The following PIEZO1 variants were observed in gnomAD, a reference collection of about 807,000 sequenced individuals.
The protein encoded by PIEZO1 is piezo type mechanosensitive ion channel component 1 (Er blood group).
In PIEZO1, 296 loss-of-function variants were observed where a neutral mutation model predicts 297.2. The ratio of observed to expected loss-of-function variants is 1.00; its 90% CI spans 0.91 to 1.10. The LOEUF (loss-of-function observed/expected upper bound fraction) is 1.10, where lower values mean the gene tolerates loss of function less well. Among genes scored for constraint, PIEZO1 ranks in the 50% least tolerant of loss-of-function variants. The pLI, the probability that PIEZO1 is intolerant of heterozygous loss-of-function variation, is 0.00. For missense variants in PIEZO1, 5,018 were observed against 3,455.5 expected (o/e 1.45, Z -11.34); for synonymous variants, 2,427 against 1,507.5 (o/e 1.61, Z -14.13).
Position 88,721,790 on chromosome 16 carries a change from C to T in PIEZO1, c.5214+18G>A, listed in dbSNP as rs1170260976. ...GCGCGGTGGGCCGGGCGCCCCCTCCCCCGCGGCCTCGGCCCACCTCGGTGA... is the reference window on the plus strand; with the variant it reads ...GCGCGGTGGGCCGGGCGCCCCCTCCTCCGCGGCCTCGGCCCACCTCGGTGA... On this transcript the variant is annotated intron_variant, in intron 37 of 50. Transcript: ENST00000301015. 1 of 1,536,220 alleles carries T rather than the reference C, an allele frequency of 6.5e-7. No homozygotes were observed.
Position 88,732,674 on chromosome 16 carries a change from C to T in PIEZO1, c.2723G>A (p.Arg908Gln), listed in dbSNP as rs749823827. ...PTEISQSLLY[R>Q]GPVDPANWFG... Reference sequence around the variant, plus strand: ...CCAGTTGGCAGGGTCCACGGGCCCCCGGTACAGCAGGGACTGGCTGATCTC... The same window carrying T: ...CCAGTTGGCAGGGTCCACGGGCCCCTGGTACAGCAGGGACTGGCTGATCTC... Residue 908 changes from arginine to glutamine, a missense_variant, in exon 20 of 51, where the codon CGG becomes CAG. Transcript: ENST00000301015. 28 of 1,549,454 alleles carry T rather than the reference C, an allele frequency of 1.8e-5. No homozygotes were observed. The highest frequency in any genetic ancestry group is 3.6e-5 in the South Asian group (3 of 84,038).
intron 22 of PIEZO1, 31 bp downstream of exon 22, chr16:88,731,675 C>G: frequency 6.5e-7 from 1 of 1,530,210 alleles, no homozygotes; most frequent in Non-Finnish European, 8.8e-7. Flanking sequence ...AGCCACAAAG[C>G]CCACTCCCAC....
intron 1 of PIEZO1, among the ~76,000 whole-genome samples, chr16:88,751,206 G>A (rs1176833773): frequency 1.3e-5 from 2 of 152,122 alleles, no homozygotes; most frequent in Admixed American, 6.5e-5. Flanking sequence ...GAAAACGCAG[G>A]GCAAGTTAGA....
chr16:88,782,973 C>T (rs1043390854), intron 1 of PIEZO1, among the ~76,000 whole-genome samples: 3 of 152,220 alleles, frequency 2.0e-5, no homozygotes, highest in Non-Finnish European at 4.4e-5. Context: ...GGGTATGGCC[C>T]GGGCTTCAGC....
intron 3 of PIEZO1, 38 bp downstream of exon 3, chr16:88,742,262 A>AG: frequency 6.6e-7 from 1 of 1,520,370 alleles, no homozygotes; most frequent in Middle Eastern, 1.7e-4. Context: ...CCTGACCCCC[A>AG]GGATGGCTAT....
chr16:88,749,335 G>A, intron 2 of PIEZO1, 49 bp downstream of exon 2: 5 of 1,273,450 alleles, frequency 3.9e-6, no homozygotes, highest in Non-Finnish European at 4.2e-6. Flanking sequence ...CCAAACGAAT[G>A]CCCACCCCCT....
chr16:88,724,945 C>T (rs1469275997), intron 30 of PIEZO1, 64 bp downstream of exon 30: 1 of 1,038,350 alleles, frequency 9.6e-7, no homozygotes, highest in Non-Finnish European at 1.3e-6. Flanking sequence ...GCAGGCCAGG[C>T]AGAGGACAGA....
rs186955676 is a variant in PIEZO1, at chr16:88,726,194, G to A, written c.3968+90C>T. The A allele has an allele frequency of 2.1e-5, 24 of 1,135,152 alleles. 1 individual carries two copies. Among genetic ancestry groups the A allele is most frequent in the Middle Eastern group, 5.9e-4 (2 of 3,362 alleles). The allele number at this position is 1,135,152 out of a possible 1,614,324, so 70.3% of individuals were successfully genotyped here. A position where few individuals can be genotyped will look rare whatever the true frequency, so the allele number is the denominator to read the frequency against. The stretch of plus-strand genomic sequence containing the variant: ...CAGAGTGGCAGAGCCTGCCCTCCAC[G>A]GGCCGGGGCCTGAGACAGTGAGGAA... On this transcript the variant is annotated intron_variant, in intron 27 of 50. Transcript: ENST00000301015.
At chr16:88,764,605 G>C (rs1456516552) in intron 1 of PIEZO1, among the ~76,000 whole-genome samples, 1 of 151,892 alleles carries the variant, frequency 6.6e-6, no homozygotes, top group Non-Finnish European at 1.5e-5. Context: ...ACAAAAATTA[G>C]CCGGGCATGG....
intron 1 of PIEZO1, among the ~76,000 whole-genome samples, chr16:88,754,183 T>C (rs10852632): frequency 0.83 from 126,281 of 152,224 alleles, 52,708 homozygotes; most frequent in African/African-American, 0.92. Context: ...TCCACAGACC[T>C]TCATCCTACA....
At chr16:88,724,898 T>G (rs1165244732) in intron 30 of PIEZO1, 111 bp downstream of exon 30, 2 of 701,174 alleles carry the variant, frequency 2.9e-6, no homozygotes, top group African/African-American at 1.9e-5. Context: ...GTCCTGACGC[T>G]CAGGGCCTGG....
rs756420852 is a variant in PIEZO1 at position 88,733,826 on chromosome 16, G to A, written c.2329+80C>T. On this transcript the variant is annotated intron_variant, in intron 17 of 50. Transcript: ENST00000301015. ...TGAGGAAGAGGCTCTGGAGCCCAGA[G>A]GGGACTCTGCCAACGCCCCCCGAGC... 8 of 1,466,988 alleles carry A rather than the reference G, an allele frequency of 5.5e-6. No homozygotes were observed. The Admixed American group carries it at 1.2e-4, about 22-fold the overall frequency. The allele number at this position is 1,466,988 out of a possible 1,614,324, so 90.9% of individuals were successfully genotyped here.
chr16:88,717,257 G>A (rs8061820), intron 44 of PIEZO1, 46 bp from the exon 45 acceptor site: 21 of 1,509,456 alleles, frequency 1.4e-5, no homozygotes, highest in Non-Finnish European at 1.9e-5. Context: ...TGCCCTTCCT[G>A]CGGGTCACAC....
At chr16:88,722,759 G>T in intron 34 of PIEZO1, 70 bp from the exon 35 acceptor site, 1 of 1,527,296 alleles carries the variant, frequency 6.5e-7, no homozygotes, top group Non-Finnish European at 8.8e-7. Flanking sequence ...CGTGCAGTGG[G>T]CGCGGGACTA....
intron 10 of PIEZO1, 172 bp from the exon 11 acceptor site, chr16:88,736,911 C>T (rs927493266): frequency 3.0e-5 from 15 of 503,450 alleles, no homozygotes; most frequent in African/African-American, 1.0e-4. Flanking sequence ...CGTCCCTGAG[C>T]GTCAGGGATG....
At position 88,753,322 on chromosome 16, in the gene PIEZO1, C is replaced by T. The variant is rs145681888; in HGVS notation, c.65-3843G>A. ...CCCCCCGCAGCACACCTCCCGCCCC[C>T]GGAGCACACCTGCCACCCCCAGAGC... is the stretch of plus-strand genomic sequence containing the variant. On this transcript the variant is annotated intron_variant, in intron 1 of 50. Transcript: ENST00000301015. 6.7e-3 allele frequency among the ~76,000 whole-genome samples: 855 copies of T among 128,074 alleles called. 13 individuals carry two copies. Among genetic ancestry groups the T allele is most frequent in the African/African-American group, 0.024 (798 of 32,752 alleles). The allele number at this position is 128,074 out of a possible 152,430, so 84.0% of individuals were successfully genotyped here.
Position 88,738,609 on chromosome 16 carries a change from G to A in PIEZO1, c.593C>T (p.Ala198Val), listed in dbSNP as rs1056843521. The change falls in exon 6 of 51, where the codon GCG becomes GTG. Residue 198 changes from alanine (A) to valine (V), a missense_variant. By Grantham distance (64) the Ala-to-Val change is moderately conservative. Transcript: ENST00000301015. ...FRVTAHWLLV[A>V]AGRVLAVTLL... ...TGTTACGGCCAGGACCCGCCCAGCCGCCACCAGCAGCCAGTGGGCCGTGAC... is the reference window on the plus strand; with the variant it reads ...TGTTACGGCCAGGACCCGCCCAGCCACCACCAGCAGCCAGTGGGCCGTGAC... 9.1e-6 allele frequency: 14 copies of A among 1,535,470 alleles called. No homozygotes were observed. Among genetic ancestry groups the A allele is most frequent in the African/African-American group, 5.5e-5 (4 of 73,046 alleles).
intron 2 of PIEZO1, among the ~76,000 whole-genome samples, chr16:88,746,761 C>A (rs1047422333): frequency 6.6e-6 from 1 of 152,238 alleles, no homozygotes; most frequent in Non-Finnish European, 1.5e-5. Context: ...CACCCCAGCT[C>A]CTCCCCTGGC....
chr16:88,770,814 G>A (rs2142898587), intron 1 of PIEZO1, among the ~76,000 whole-genome samples: 1 of 152,350 alleles, frequency 6.6e-6, no homozygotes, highest in Non-Finnish European at 1.5e-5. Flanking sequence ...TGCCATAGGT[G>A]ACACCAGCCA....
Sources: allele counts gnomAD v4.1 joint callset (sites outside exome capture counted in the v4.1 genomes callset), GRCh38; gene constraint gnomAD v4.1.1; transcripts MANE v1.5; gene names NCBI Gene and HGNC (gene_info 2026-07-23, HGNC 2026-07-21).